The following DYSF variants were observed in gnomAD, a reference collection of about 807,000 sequenced individuals.
DYSF encodes dystrophy-associated fer-1-like 1.
In DYSF, 212 loss-of-function variants were observed where a neutral mutation model predicts 274.9. The ratio of observed to expected loss-of-function variants is 0.77; its 90% confidence interval spans 0.69 to 0.86. The LOEUF (loss-of-function observed/expected upper bound fraction) is 0.86. Ranked by LOEUF, DYSF falls within the 40% of genes least tolerant of loss-of-function variation. The pLI, the probability that DYSF is intolerant of heterozygous loss-of-function variation, is 0.00. For synonymous variants in DYSF, 1,091 were observed against 1,078.7 expected (o/e 1.01, Z -0.22); for missense variants, 2,666 against 2,783.2 (o/e 0.96, Z 0.95).
chr2:71,553,750 C>CAA, intron 20 of DYSF, 57 bp from the exon 21 acceptor site: 1 of 1,011,272 alleles, frequency 9.9e-7, no homozygotes, highest in Non-Finnish European at 1.5e-6. Flanking sequence ...TCTTAGCACC[C>CAA]CATCCCACCC....
At chr2:71,547,400 C>A (rs2090563660) in intron 17 of DYSF, among the ~76,000 whole-genome samples, 1 of 152,162 alleles carries the variant, frequency 6.6e-6, no homozygotes, top group South Asian at 2.1e-4. Flanking sequence ...GTAATCCCAG[C>A]ACTTTGGGAG....
chr2:71,677,116 C>T (rs1396991909), intron 52 of DYSF, among the ~76,000 whole-genome samples: 1 of 152,036 alleles, frequency 6.6e-6, no homozygotes, highest in Non-Finnish European at 1.5e-5. Context: ...GAATAATAAC[C>T]TGATTAATGG....
chr2:71,569,372 G>A (rs139542044), intron 26 of DYSF, among the ~76,000 whole-genome samples: 27 of 152,146 alleles, frequency 1.8e-4, no homozygotes, highest in Admixed American at 1.2e-3. Flanking sequence ...GTCTATTGCC[G>A]CCTTTGCCTC....
chr2:71,522,795 AC>A (rs2152744500), intron 12 of DYSF, among the ~76,000 whole-genome samples: 1 of 152,218 alleles, frequency 6.6e-6, no homozygotes, highest in South Asian at 2.1e-4. Context: ...GTATTAGGTG[AC>A]ATCTTAGGAA....
chr2:71,504,758 C>T (rs2085323658), intron 4 of DYSF, among the ~76,000 whole-genome samples: 3 of 152,368 alleles, frequency 2.0e-5, no homozygotes, highest in Admixed American at 2.0e-4. Flanking sequence ...TCCCTTCCAA[C>T]CTCAAAGGCC....
chr2:71,647,135 AT>A (rs1208173627), intron 42 of DYSF, among the ~76,000 whole-genome samples: 2 of 152,174 alleles, frequency 1.3e-5, no homozygotes, highest in Non-Finnish European at 2.9e-5. Flanking sequence ...TGCAGTGGGG[AT>A]TTCATTACAC....
chr2:71,553,752 A>AAACCCCCCCC, intron 20 of DYSF, 55 bp from the exon 21 acceptor site: 1 of 267,802 alleles, frequency 3.7e-6, no homozygotes, highest in Non-Finnish European at 6.7e-6. Context: ...TTAGCACCCC[A>AAACCCCCCCC]TCCCACCCGC....
At chr2:71,515,601 C>G in intron 7 of DYSF, 22 bp from the exon 8 acceptor site, 1 of 1,613,932 alleles carries the variant, frequency 6.2e-7, no homozygotes, top group Non-Finnish European at 8.5e-7. Flanking sequence ...TCCTCCTGCT[C>G]TTTCCTCCTT....
intron 37 of DYSF, 43 bp downstream of exon 37, chr2:71,611,389 C>A (rs1331626643): frequency 6.2e-7 from 1 of 1,613,794 alleles, no homozygotes; most frequent in Admixed American, 1.7e-5. Context: ...GAGCAGCCTG[C>A]CCTTCCCCTT....
intron 55 of DYSF, among the ~76,000 whole-genome samples, chr2:71,686,004 G>A (rs1435996438): frequency 1.3e-5 from 2 of 152,124 alleles, no homozygotes; most frequent in East Asian, 1.9e-4. Context: ...GTGATGACCC[G>A]TAAGCCCTGG....
chr2:71,492,114 G>T (rs1182254918), intron 3 of DYSF, among the ~76,000 whole-genome samples: 2 of 152,126 alleles, frequency 1.3e-5, no homozygotes, highest in Non-Finnish European at 2.9e-5. Flanking sequence ...TTTTGCCCTG[G>T]ATTCTATCCA....
chr2:71,655,316 A>G (rs1030666566), intron 42 of DYSF, among the ~76,000 whole-genome samples: 2 of 152,182 alleles, frequency 1.3e-5, no homozygotes, highest in African/African-American at 2.4e-5. Context: ...TGTCACTTGC[A>G]TAATTAAATA....
intron 41 of DYSF, among the ~76,000 whole-genome samples, chr2:71,634,330 A>G (rs1000684402): frequency 6.6e-6 from 1 of 152,254 alleles, no homozygotes; most frequent in Non-Finnish European, 1.5e-5. Flanking sequence ...ATGAGAAAAC[A>G]TACCACCATT....
rs36077172 is a variant in DYSF at position 71,570,600 on chromosome 2, C to T, written c.3087C>T (p.Gly1029=). The T allele has an allele frequency of 1.2e-6, 2 of 1,613,616 alleles. No individual in the cohort carries two copies. Among genetic ancestry groups the T allele is most frequent in the African/African-American group, 2.7e-5 (2 of 74,902 alleles). The change falls in exon 29 of 56, where the codon GGC becomes GGT. Residue 1029 remains glycine (G), a splice_region_variant and synonymous_variant. Transcript: ENST00000410020. ...AGTGACCGGTTCCCCCTCCCCCAGG[C>T]TGGGAGTATAGCATCACCATCCCCC... ...TDLNRAVDEQ[G]WEYSITIPPE... is the part of the protein sequence containing the mutation.
chr2:71,497,249 C>G (rs376420765), intron 3 of DYSF, among the ~76,000 whole-genome samples: 7 of 152,138 alleles, frequency 4.6e-5, no homozygotes, highest in African/African-American at 1.7e-4. Context: ...TCAAATCAGC[C>G]TCCTCGAAAA....
At chr2:71,471,572 G>C (rs1248396180) in intron 1 of DYSF, among the ~76,000 whole-genome samples, 1 of 152,174 alleles carries the variant, frequency 6.6e-6, no homozygotes, top group Non-Finnish European at 1.5e-5. Context: ...ATATCACCCA[G>C]GTCAAACAGG....
intron 14 of DYSF, among the ~76,000 whole-genome samples, chr2:71,529,932 T>G (rs1213039295): frequency 1.3e-5 from 2 of 152,252 alleles, no homozygotes; most frequent in African/African-American, 4.8e-5. Flanking sequence ...CATTATTGTG[T>G]TGATGTATGA....
intron 17 of DYSF, among the ~76,000 whole-genome samples, chr2:71,542,086 G>A (rs2089974825): frequency 6.6e-6 from 1 of 152,316 alleles, no homozygotes; most frequent in Non-Finnish European, 1.5e-5. Context: ...GGGTTCAAAT[G>A]CTCTTGGCTC....
At chr2:71,570,117 C>A in intron 27 of DYSF, 112 bp from the exon 28 acceptor site, 2 of 1,135,670 alleles carry the variant, frequency 1.8e-6, no homozygotes, top group Non-Finnish European at 2.7e-6. Flanking sequence ...TGGGGCTCTG[C>A]CCTTCTGTCT....
Sources: allele counts gnomAD v4.1 joint callset (sites outside exome capture counted in the v4.1 genomes callset), GRCh38; gene constraint gnomAD v4.1.1; transcripts MANE v1.5; gene names NCBI Gene and HGNC (gene_info 2026-07-23, HGNC 2026-07-21).